INPP5D: variants seen among roughly 807,000 people sequenced by gnomAD.
INPP5D encodes phosphatidylinositol 3,4,5-trisphosphate 5-phosphatase 1.
In INPP5D, 33 loss-of-function variants were observed where a neutral mutation model predicts 122.9. The ratio of observed to expected loss-of-function variants is 0.27; its 90% CI spans 0.20 to 0.36. INPP5D has a LOEUF of 0.36. Ranked by LOEUF, INPP5D falls within the 10% of genes least tolerant of loss-of-function variation. The pLI is 1.00. For synonymous variants in INPP5D, 584 were observed against 576.2 expected (o/e 1.01, Z -0.19); for missense variants, 1,053 against 1,412.7 (o/e 0.75, Z 4.08).
chr2:233,168,613 G>A (rs747653663), intron 13 of INPP5D, among the ~76,000 whole-genome samples: 6 of 152,232 alleles, frequency 3.9e-5, no homozygotes, highest in African/African-American at 9.6e-5. Context: ...TTTGAATTTC[G>A]TATTTTCATG....
intron 17 of INPP5D, 89 bp downstream of exon 17, chr2:233,171,241 C>A: frequency 1.3e-6 from 2 of 1,508,546 alleles, no homozygotes; most frequent in Non-Finnish European, 8.9e-7. Flanking sequence ...GTGTCTTCAT[C>A]CATTAGGCAA....
intron 24 of INPP5D, 48 bp downstream of exon 24, chr2:233,195,543 T>TTAG: frequency 6.2e-7 from 1 of 1,611,346 alleles, no homozygotes; most frequent in East Asian, 2.2e-5. Flanking sequence ...TATCAGGGAC[T>TTAG]CATGACAAAT....
rs111285538 is a variant in INPP5D at position 233,106,388 on chromosome 2, G to A, written c.199-15719G>A. Among the ~76,000 whole-genome samples, 1,408 of 152,308 alleles carry A rather than the reference G, an allele frequency of 9.2e-3. 12 individuals are homozygous for A. The highest frequency in any genetic ancestry group is 0.032 in the African/African-American group (1,333 of 41,556). ...TGGCCATCCTTTCTTATGGCAGATT[G>A]CAGGGGCCCAGGAGGGCGAGTAGAA... On this transcript the variant is annotated intron_variant, in intron 2 of 26. Transcript: ENST00000445964.
rs1328261354 is a variant in INPP5D, at chr2:233,198,369, G to A, written c.2968G>A (p.Glu990Lys). ...ANRGLPPRTQ[E>K]SRPSDLGKNA... The stretch of plus-strand genomic sequence containing the variant: ...CCGGGGTCTCCCTCCCAGGACACAG[G>A]AGTCAAGGTGAGCATCCTCTTCATT... Residue 990 changes from glutamate to lysine, a missense_variant, in exon 25 of 27, where the codon GAG (glutamate) becomes AAG (lysine). Glu to Lys is a moderately conservative substitution (Grantham distance 56, BLOSUM62 1). Around this residue, in one of 6 missense-constraint regions of INPP5D, gnomAD observed 417 missense variants for 425.8 expected, o/e 0.98. Coordinates refer to ENST00000445964, the MANE Select transcript of INPP5D (RefSeq NM_001017915.3). The A allele has an allele frequency of 6.2e-7, 1 of 1,608,704 alleles. No individual in the cohort carries two copies. The highest frequency in any genetic ancestry group is 1.1e-5 in the South Asian group (1 of 91,004).
At chr2:233,104,319 T>C (rs1392590294) in intron 2 of INPP5D, among the ~76,000 whole-genome samples, 1 of 152,200 alleles carries the variant, frequency 6.6e-6, no homozygotes, top group African/African-American at 2.4e-5. Flanking sequence ...GTGAAGCTGT[T>C]TGAGTACTCA....
chr2:233,100,325 C>A lies in INPP5D; in HGVS notation c.198+20927C>A, dbSNP rs1254622852. Among the ~76,000 whole-genome samples, 1 of 152,212 alleles carries A rather than the reference C, an allele frequency of 6.6e-6. No individual in the cohort carries two copies. The highest frequency in any genetic ancestry group is 1.5e-5 in the Non-Finnish European group (1 of 68,042). ...AACTTGTGAGGCCAGCAACCACACA[C>A]TGGTAAACAGGTTTAGTTGACTTGG... On this transcript the variant is annotated intron_variant, in intron 2 of 26. Coordinates refer to ENST00000445964, the MANE Select transcript of INPP5D (RefSeq NM_001017915.3). The surrounding 1 kb of genome is among the most constrained non-coding windows in gnomAD (Gnocchi z 5.3).
At chr2:233,117,735 A>G (rs1692844454) in intron 2 of INPP5D, among the ~76,000 whole-genome samples, 1 of 152,172 alleles carries the variant, frequency 6.6e-6, no homozygotes, top group South Asian at 2.1e-4. Context: ...GATCGTGCAC[A>G]TGAAAAACGC....
intron 23 of INPP5D, 123 bp downstream of exon 23, chr2:233,194,084 CT>C: frequency 2.1e-6 from 3 of 1,403,300 alleles, no homozygotes; most frequent in Non-Finnish European, 2.8e-6. Context: ...AAATCCAGCA[CT>C]GGAAAAGATC....
Position 233,204,476 on chromosome 2 carries a change from C to T in INPP5D, c.3326C>T (p.Pro1109Leu), listed in dbSNP as rs767285687. Residue 1109 changes from proline (P) to leucine (L), a missense_variant, in exon 26 of 27, where the codon CCG (proline) becomes CTG (leucine). Physicochemically the swap from Pro to Leu is moderately conservative, Grantham distance 98. Transcript: ENST00000445964. Reference sequence around the variant, plus strand: ...AAGAGCCAAGGGAAGCCCAAGACCCCGGTCAGCTCCCAGGCCCCGGTGCCG... The same window carrying T: ...AAGAGCCAAGGGAAGCCCAAGACCCTGGTCAGCTCCCAGGCCCCGGTGCCG... ...GDKSQGKPKT[P>L]VSSQAPVPAK... 14 of 1,587,510 alleles carry T rather than the reference C, an allele frequency of 8.8e-6. No individual in the cohort carries two copies. In the African/African-American group the frequency reaches 1.1e-4, roughly 12 times the overall value.
chr2:233,064,526 G>T (rs973830325), intron 1 of INPP5D, among the ~76,000 whole-genome samples: 2 of 152,216 alleles, frequency 1.3e-5, no homozygotes, highest in Non-Finnish European at 2.9e-5. Flanking sequence ...ACCATTCTAG[G>T]CTTATATTGA....
chr2:233,084,956 C>A (rs1691792607), intron 2 of INPP5D, among the ~76,000 whole-genome samples: 1 of 152,244 alleles, frequency 6.6e-6, no homozygotes, highest in African/African-American at 2.4e-5. Flanking sequence ...ATGGACAGAT[C>A]TATTTTCCAA....
In INPP5D at chr2:233,189,980, C is replaced by A; in HGVS notation, c.2446+43C>A. ...GGTGCCACACCTGCCTGTGAACTGG[C>A]GGCCTCTGACGTAGCATTGCCTTCA... On this transcript the variant is annotated intron_variant, in intron 22 of 26. Transcript: ENST00000445964. The surrounding 1 kb of genome is among the most constrained non-coding windows in gnomAD (Gnocchi z 5.6). 1 of 1,602,678 alleles carries A rather than the reference C, an allele frequency of 6.2e-7. No homozygotes were observed. The highest frequency in any genetic ancestry group is 8.5e-7 in the Non-Finnish European group (1 of 1,174,940).
intron 5 of INPP5D, among the ~76,000 whole-genome samples, chr2:233,132,667 T>C (rs1693360604): frequency 6.6e-6 from 1 of 152,210 alleles, no homozygotes; most frequent in African/African-American, 2.4e-5. Flanking sequence ...ATCCCTCAAA[T>C]TGTAAACCCA....
At chr2:233,074,410 A>C (rs1691461346) in intron 1 of INPP5D, among the ~76,000 whole-genome samples, 1 of 152,028 alleles carries the variant, frequency 6.6e-6, no homozygotes, top group Admixed American at 6.6e-5. Flanking sequence ...TCCATCTCTC[A>C]CCTCCTGGCC....
chr2:233,070,347 C>T (rs570384495), intron 1 of INPP5D, among the ~76,000 whole-genome samples: 5 of 152,156 alleles, frequency 3.3e-5, no homozygotes, highest in South Asian at 4.2e-4. Context: ...GAGAATCCCT[C>T]TGCACACAGA....
At chr2:233,064,266 G>A (rs1230673413) in intron 1 of INPP5D, among the ~76,000 whole-genome samples, 1 of 152,208 alleles carries the variant, frequency 6.6e-6, no homozygotes, top group Non-Finnish European at 1.5e-5. Context: ...TGGGGGAGGC[G>A]AAGGCACGTG....
At chr2:233,166,571 T>A in intron 13 of INPP5D, among the ~76,000 whole-genome samples, 1 of 152,086 alleles carries the variant, frequency 6.6e-6, no homozygotes, top group Non-Finnish European at 1.5e-5. Context: ...GCTTCTGGGC[T>A]GTGCAGCTCA....
chr2:233,065,953 A>ATTTTTTTTTT (rs1357432161), intron 1 of INPP5D, among the ~76,000 whole-genome samples: 1 of 148,986 alleles, frequency 6.7e-6, no homozygotes, highest in African/African-American at 2.5e-5. Flanking sequence ...CCTTTTTTTA[A>ATTTTTTTTTT]AATTATTATT....
chr2:233,142,338 C>T (rs961450110), intron 6 of INPP5D, among the ~76,000 whole-genome samples: 4 of 152,148 alleles, frequency 2.6e-5, no homozygotes, highest in Non-Finnish European at 5.9e-5. Flanking sequence ...GAGGAAAGAA[C>T]GTTGGTCCAT....
Sources: allele counts gnomAD v4.1 joint callset (sites outside exome capture counted in the v4.1 genomes callset), GRCh38; gene constraint gnomAD v4.1.1; regional missense constraint gnomAD v4.1.1; non-coding constraint Gnocchi (gnomAD v3.1); transcripts MANE v1.5; gene names NCBI Gene and HGNC (gene_info 2026-07-23, HGNC 2026-07-21).